CRISPLD1: variants seen among roughly 807,000 people sequenced by gnomAD.
CRISPLD1 encodes cysteine-rich secretory protein LCCL domain-containing 1.
Under a neutral mutation model 77.5 loss-of-function variants are expected in CRISPLD1, and 60 were observed. The observed-to-expected ratio is 0.77, with a 90% confidence interval of 0.63 to 0.96. CRISPLD1 has a LOEUF of 0.96. CRISPLD1 is among the 40% of genes least tolerant of loss of function. The pLI is 0.00. For synonymous variants in CRISPLD1, 195 were observed against 200.1 expected, an observed-to-expected ratio of 0.97 and a Z score of 0.22; for missense variants, 623 against 615.8, an observed-to-expected ratio of 1.01 and a Z score of -0.12.
intron 12 of CRISPLD1, among the ~76,000 whole-genome samples, chr8:75,020,286 G>C (rs1052217199): frequency 6.6e-6 from 1 of 152,184 alleles, no homozygotes; most frequent in Non-Finnish European, 1.5e-5. Flanking sequence ...ATAATGTCAG[G>C]GTTTATGCAT....
At chr8:75,029,655 CT>C in intron 14 of CRISPLD1, 138 bp downstream of exon 14, 1 of 772,154 alleles carries the variant, frequency 1.3e-6, no homozygotes, top group Admixed American at 2.8e-5. Context: ...CCTTTGCACA[CT>C]TGTGTACCAG....
chr8:75,010,955 T>C (rs1483029411), intron 2 of CRISPLD1, among the ~76,000 whole-genome samples: 1 of 151,998 alleles, frequency 6.6e-6, no homozygotes, highest in Non-Finnish European at 1.5e-5. Flanking sequence ...CATTGAAATA[T>C]GCATGGAAAT....
chr8:74,985,835 C>T (rs558177406), intron 1 of CRISPLD1, 91 bp from the exon 2 acceptor site: 3 of 826,852 alleles, frequency 3.6e-6, no homozygotes, highest in Non-Finnish European at 5.7e-6. Context: ...CAAACTGGCA[C>T]ACTTCCTTTG....
intron 2 of CRISPLD1, among the ~76,000 whole-genome samples, chr8:74,990,299 A>C (rs765103943): frequency 2.2e-4 from 33 of 148,178 alleles, no homozygotes; most frequent in Non-Finnish European, 4.1e-4. Context: ...AAAAAAAAAG[A>C]AAACAAACCT....
At chr8:75,017,632 GA>G (rs1002390616) in intron 10 of CRISPLD1, among the ~76,000 whole-genome samples, 182 bp downstream of exon 10, 1 of 152,108 alleles carries the variant, frequency 6.6e-6, no homozygotes, top group African/African-American at 2.4e-5. Context: ...GGTCAAAGTT[GA>G]ACTCTTTTGC....
rs1012376740 is a variant in CRISPLD1, at chr8:75,025,176, A to G, written c.1245-370A>G. Among the ~76,000 whole-genome samples, 9 of 152,212 alleles carry G rather than the reference A, an allele frequency of 5.9e-5. No individual in the cohort carries two copies. The South Asian group carries it at 1.2e-3, about 21-fold the overall frequency. ...GATGTGAATATAAAGAAGAGAATCT[A>G]TGAGATGTATGAGGCAGACAATGAT... On this transcript the variant is annotated intron_variant, in intron 12 of 14. Coordinates refer to ENST00000262207, the MANE Select transcript of CRISPLD1 (RefSeq NM_031461.6).
intron 2 of CRISPLD1, among the ~76,000 whole-genome samples, chr8:75,008,192 A>G (rs781727190): frequency 5.3e-5 from 8 of 152,198 alleles, no homozygotes; most frequent in Non-Finnish European, 8.8e-5. Flanking sequence ...GTTGGGAAAT[A>G]GAGTTGTTTT....
intron 2 of CRISPLD1, among the ~76,000 whole-genome samples, chr8:75,010,683 A>G (rs542455283): frequency 1.3e-5 from 2 of 152,072 alleles, no homozygotes; most frequent in East Asian, 3.9e-4. Flanking sequence ...TTATAATTTC[A>G]TATTAATTAG....
intron 2 of CRISPLD1, among the ~76,000 whole-genome samples, chr8:75,004,947 T>G (rs1252435671): frequency 1.3e-5 from 2 of 152,174 alleles, no homozygotes; most frequent in African/African-American, 4.8e-5. Context: ...GATTATCTTC[T>G]TACTCAACTA....
At chr8:75,009,203 A>G (rs1812886687) in intron 2 of CRISPLD1, among the ~76,000 whole-genome samples, 2 of 152,118 alleles carry the variant, frequency 1.3e-5, no homozygotes, top group South Asian at 4.1e-4. Context: ...CTCACAGGTC[A>G]CATGCCTCGG....
In CRISPLD1 at chr8:75,014,069, A is replaced by C. The variant is rs1335538321; in HGVS notation, c.593A>C (p.Lys198Thr). 6.2e-7 allele frequency: 1 copy of C among 1,612,978 alleles called. No homozygotes were observed. The highest frequency in any genetic ancestry group is 8.5e-7 in the Non-Finnish European group (1 of 1,179,172). ...AACATCTGGGGGCAGATATGGCCCA[A>C]AGCTGTCTACCTGGTGTGCAATTAC... Reference protein sequence around the residue: ...NMNIWGQIWPKAVYLVCNYSP... With the variant: ...NMNIWGQIWPTAVYLVCNYSP... The change falls in exon 5 of 15, where the codon AAA becomes ACA. Residue 198 changes from lysine to threonine, a missense_variant. Lys to Thr is a moderately conservative substitution (Grantham distance 78). Transcript: ENST00000262207.
chr8:75,002,345 G>C (rs769463172), intron 2 of CRISPLD1, among the ~76,000 whole-genome samples: 9 of 148,684 alleles, frequency 6.1e-5, no homozygotes, highest in Non-Finnish European at 1.2e-4. Context: ...AACAGGGGAA[G>C]AAGAGAAAAT....
At chr8:74,996,034 T>TTATATA (rs10588040) in intron 2 of CRISPLD1, among the ~76,000 whole-genome samples, 13 of 145,652 alleles carry the variant, frequency 8.9e-5, no homozygotes, top group East Asian at 8.0e-4. Context: ...GGTCATTGCT[T>TTATATA]TATATATATA....
chr8:75,009,298 C>A (rs1255037258), intron 2 of CRISPLD1, among the ~76,000 whole-genome samples: 2 of 151,298 alleles, frequency 1.3e-5, no homozygotes, highest in African/African-American at 4.9e-5. Flanking sequence ...AATTCATTGG[C>A]TTAAGTCTGT....
intron 4 of CRISPLD1, 98 bp from the exon 5 acceptor site, chr8:75,013,889 G>A: frequency 1.3e-6 from 1 of 763,870 alleles, no homozygotes; most frequent in Non-Finnish European, 2.3e-6. Context: ...GATAAACGTT[G>A]GCTTCTCACA....
intron 2 of CRISPLD1, among the ~76,000 whole-genome samples, chr8:75,005,828 C>A (rs1587012181): frequency 1.3e-5 from 2 of 152,284 alleles, no homozygotes; most frequent in East Asian, 3.9e-4. Flanking sequence ...TTTAGAGCCT[C>A]CAGCCTAGAT....
At chr8:75,015,703 A>T (rs975972898) in intron 6 of CRISPLD1, among the ~76,000 whole-genome samples, 2 of 152,140 alleles carry the variant, frequency 1.3e-5, no homozygotes, top group Admixed American at 1.3e-4. Flanking sequence ...TGATGCATTA[A>T]CTAAAATGAG....
intron 12 of CRISPLD1, among the ~76,000 whole-genome samples, chr8:75,023,113 T>G (rs1249400320): frequency 1.4e-5 from 2 of 145,934 alleles, no homozygotes; most frequent in African/African-American, 5.0e-5. Context: ...GACCAGTACC[T>G]ACCTTCTCAG....
chr8:75,030,746 G>A (rs75014787), intron 14 of CRISPLD1, among the ~76,000 whole-genome samples: 2,019 of 134,800 alleles, frequency 0.015, 20 homozygotes, highest in Middle Eastern at 0.03. Flanking sequence ...ATGTATGAGT[G>A]TGTGTATATA....
Sources: gnomAD v4.1 joint callset for allele counts (sites outside exome capture counted in the v4.1 genomes callset) on GRCh38, gnomAD v4.1.1 for gene constraint, MANE v1.5 for transcripts, NCBI Gene and HGNC (gene_info 2026-07-23, HGNC 2026-07-21) for gene names.